Variants in ASAP1 observed in about 807,000 individuals in gnomAD.
The protein encoded by ASAP1 is ArfGAP with SH3 domain, ankyrin repeat and PH domain 1, also known as arf-GAP with SH3 domain, ANK repeat and PH domain-containing protein 1.
In ASAP1, 43 loss-of-function variants were observed where a neutral mutation model predicts 145.2. The ratio of observed to expected loss-of-function variants is 0.30; its 90% confidence interval spans 0.23 to 0.38. The LOEUF (loss-of-function observed/expected upper bound fraction) is 0.38, where lower values mean the gene tolerates loss of function less well. ASAP1 is among the 10% of genes least tolerant of loss of function. The pLI is 1.00. For synonymous variants in ASAP1, 546 were observed against 515.5 expected (o/e 1.06, Z -0.80); for missense variants, 1,018 against 1,355.3 (o/e 0.75, Z 3.91).
At chr8:130,411,772 C>A (rs987013379) in intron 1 of ASAP1, among the ~76,000 whole-genome samples, 2 of 152,186 alleles carry the variant, frequency 1.3e-5, no homozygotes, top group South Asian at 4.1e-4. Context: ...CCTGACTCAG[C>A]GGCTTCCCAG....
chr8:130,076,185 C>T lies in ASAP1; in HGVS notation c.2701+163G>A, dbSNP rs138494380. On this transcript the variant is annotated intron_variant, in intron 27 of 29. Coordinates refer to ENST00000518721, the MANE Select transcript of ASAP1 (RefSeq NM_018482.4). ...ATCACCAAATTTGAGTTTATAAATA[C>T]CTTTCGTCATTTAATGTGTATTTAC... is the stretch of plus-strand genomic sequence containing the variant. 7.6e-4 allele frequency among the ~76,000 whole-genome samples: 115 copies of T among 152,244 alleles called. 1 individual carries two copies. The highest frequency in any genetic ancestry group is 2.6e-3 in the African/African-American group (110 of 41,548).
At chr8:130,092,319 A>G (rs1042786789) in intron 24 of ASAP1, among the ~76,000 whole-genome samples, 176 bp from the exon 25 acceptor site, 9 of 147,574 alleles carry the variant, frequency 6.1e-5, no homozygotes, top group Non-Finnish European at 1.4e-4. Context: ...GGTTTCAAAA[A>G]TTTGGTTAAA....
At chr8:130,165,824 G>A (rs968698115) in intron 11 of ASAP1, among the ~76,000 whole-genome samples, 2 of 152,182 alleles carry the variant, frequency 1.3e-5, no homozygotes, top group African/African-American at 4.8e-5. Context: ...CTTCAGGGTT[G>A]CTTTAAAAGA....
At chr8:130,319,198 A>C (rs1565203909) in intron 3 of ASAP1, among the ~76,000 whole-genome samples, 1 of 152,244 alleles carries the variant, frequency 6.6e-6, no homozygotes, top group Non-Finnish European at 1.5e-5. Context: ...TGCAGCTAGA[A>C]ATAGAATGGC....
intron 4 of ASAP1, among the ~76,000 whole-genome samples, 180 bp from the exon 5 acceptor site, chr8:130,214,881 A>C (rs1001557287): frequency 5.3e-5 from 8 of 152,066 alleles, no homozygotes; most frequent in Non-Finnish European, 1.5e-5. Flanking sequence ...CACTCTACTA[A>C]GGAAGATTTT....
At chr8:130,397,088 C>T (rs1828564332) in intron 2 of ASAP1, among the ~76,000 whole-genome samples, 2 of 152,070 alleles carry the variant, frequency 1.3e-5, no homozygotes, top group African/African-American at 4.8e-5. Flanking sequence ...AACCGCATTG[C>T]TGTGGACTGT....
intron 9 of ASAP1, among the ~76,000 whole-genome samples, chr8:130,171,862 C>T (rs1813618423): frequency 6.6e-6 from 1 of 152,192 alleles, no homozygotes; most frequent in Non-Finnish European, 1.5e-5. Flanking sequence ...GATATATGCC[C>T]AGGAGTTAAA....
chr8:130,430,638 C>T (rs951417262), intron 1 of ASAP1, among the ~76,000 whole-genome samples: 14 of 152,094 alleles, frequency 9.2e-5, no homozygotes, highest in Non-Finnish European at 2.1e-4. Flanking sequence ...GGGCTGAGGG[C>T]AGTGAGGTAG....
At chr8:130,341,009 T>C (rs576668178) in intron 3 of ASAP1, 508 of 422,480 alleles carry the variant, frequency 1.2e-3, no homozygotes, top group Non-Finnish European at 1.9e-3. Context: ...GGTGGAGGGG[T>C]GGTTTTTTAG....
chr8:130,271,731 TATC>T (rs1259494240), intron 3 of ASAP1, among the ~76,000 whole-genome samples: 1 of 152,228 alleles, frequency 6.6e-6, no homozygotes, highest in Non-Finnish European at 1.5e-5. Context: ...CAGGATTTCG[TATC>T]ATTAGGAAAT....
At chr8:130,085,031 TAGAACCTGGATC>T (rs1419128842) in intron 25 of ASAP1, among the ~76,000 whole-genome samples, 1 of 152,188 alleles carries the variant, frequency 6.6e-6, no homozygotes, top group African/African-American at 2.4e-5. Context: ...CAGGGATTGG[TAGAACCTGGATC>T]AGAACCTGGG....
At chr8:130,163,716 A>G (rs886269921) in intron 11 of ASAP1, among the ~76,000 whole-genome samples, 10 of 152,232 alleles carry the variant, frequency 6.6e-5, no homozygotes, top group Non-Finnish European at 1.0e-4. Flanking sequence ...TTAAAAACTG[A>G]CACACTGAAG....
chr8:130,102,988 G>A (rs1326599177), intron 24 of ASAP1, among the ~76,000 whole-genome samples: 2 of 101,680 alleles, frequency 2.0e-5, no homozygotes, highest in African/African-American at 7.8e-5. Flanking sequence ...ACCACATCCA[G>A]CCTAGCTGTC....
chr8:130,377,508 G>T (rs1400421969), intron 2 of ASAP1, among the ~76,000 whole-genome samples: 1 of 152,198 alleles, frequency 6.6e-6, no homozygotes, highest in Non-Finnish European at 1.5e-5. Flanking sequence ...CTGCCTGCTG[G>T]CCTCTGTGCT....
At chr8:130,182,614 T>G (rs1814432614) in intron 7 of ASAP1, among the ~76,000 whole-genome samples, 1 of 152,112 alleles carries the variant, frequency 6.6e-6, no homozygotes, top group Non-Finnish European at 1.5e-5. Flanking sequence ...GCATATAAAC[T>G]TTTAGTCTTT....
At chr8:130,359,166 G>C (rs1037312375) in intron 2 of ASAP1, among the ~76,000 whole-genome samples, 1 of 152,170 alleles carries the variant, frequency 6.6e-6, no homozygotes, top group Non-Finnish European at 1.5e-5. Context: ...CGAATGAAGG[G>C]TTTGGGGGCT....
chr8:130,165,440 C>A (rs2097678090), intron 11 of ASAP1, among the ~76,000 whole-genome samples: 1 of 152,216 alleles, frequency 6.6e-6, no homozygotes, highest in Non-Finnish European at 1.5e-5. Flanking sequence ...TGCTCTTACA[C>A]TGAGAAATCA....
intron 1 of ASAP1, among the ~76,000 whole-genome samples, chr8:130,426,959 G>A (rs1829942049): frequency 6.6e-6 from 1 of 152,094 alleles, no homozygotes; most frequent in Non-Finnish European, 1.5e-5. Flanking sequence ...CTGTTGTCCC[G>A]CCCCTAGAAT....
intron 24 of ASAP1, among the ~76,000 whole-genome samples, chr8:130,109,661 T>C (rs942757489): frequency 1.6e-4 from 25 of 151,956 alleles, no homozygotes; most frequent in African/African-American, 5.3e-4. Context: ...AAAAAAAACA[T>C]AGGGGCCAAA....
Sources: allele counts gnomAD v4.1 joint callset (sites outside exome capture counted in the v4.1 genomes callset), GRCh38; gene constraint gnomAD v4.1.1; transcripts MANE v1.5; gene names NCBI Gene and HGNC (gene_info 2026-07-23, HGNC 2026-07-21).